The following GIPC2 variants were observed in gnomAD, a reference collection of about 807,000 sequenced individuals.
The protein encoded by GIPC2 is PDZ domain-containing protein GIPC2.
Under a neutral mutation model 30.6 loss-of-function variants are expected in GIPC2, and 30 were observed. The ratio of observed to expected loss-of-function variants is 0.98; its 90% CI spans 0.73 to 1.33. The LOEUF is 1.33. Ranked by LOEUF, GIPC2 falls within the 40% of genes most tolerant of loss-of-function variation. The pLI, the probability that GIPC2 is intolerant of heterozygous loss-of-function variation, is 0.00. For synonymous variants in GIPC2, 167 were observed against 150.0 expected, an observed-to-expected ratio of 1.11 and a Z score of -0.83; for missense variants, 414 against 390.3, an observed-to-expected ratio of 1.06 and a Z score of -0.51.
chr1:78,111,279 C>T (rs900390269), intron 3 of GIPC2, among the ~76,000 whole-genome samples: 15 of 152,074 alleles, frequency 9.9e-5, no homozygotes, highest in Admixed American at 9.8e-4. Flanking sequence ...GGACAGAGAC[C>T]ACAGAGTCCA....
chr1:78,105,288 ATT>A (rs1288336378), intron 3 of GIPC2, among the ~76,000 whole-genome samples: 37 of 140,424 alleles, frequency 2.6e-4, no homozygotes, highest in African/African-American at 6.3e-4. Context: ...TGTAACTGTA[ATT>A]TTTTTTTTTT....
At chr1:78,121,627 A>G (rs1662685080) in intron 4 of GIPC2, among the ~76,000 whole-genome samples, 1 of 152,152 alleles carries the variant, frequency 6.6e-6, no homozygotes, top group Non-Finnish European at 1.5e-5. Flanking sequence ...TTCTGGGAGA[A>G]TGAAAGGACC....
chr1:78,077,005 G>A (rs1005209949), intron 1 of GIPC2, among the ~76,000 whole-genome samples: 1 of 151,734 alleles, frequency 6.6e-6, no homozygotes, highest in Non-Finnish European at 1.5e-5. Flanking sequence ...CCTGACCTTA[G>A]GTGATCTGCC....
chr1:78,052,364 C>T (rs2102634733), intron 1 of GIPC2, among the ~76,000 whole-genome samples: 1 of 152,304 alleles, frequency 6.6e-6, no homozygotes, highest in East Asian at 1.9e-4. Flanking sequence ...TCTTTGTTTA[C>T]TGATGTGGCC....
At chr1:78,123,788 A>T (rs1219953135) in intron 4 of GIPC2, among the ~76,000 whole-genome samples, 3 of 152,238 alleles carry the variant, frequency 2.0e-5, no homozygotes, top group African/African-American at 7.2e-5. Context: ...GACACTTGTC[A>T]CCGTAACTTA....
At chr1:78,129,332 T>C (rs1306259134) in intron 5 of GIPC2, among the ~76,000 whole-genome samples, 1 of 152,244 alleles carries the variant, frequency 6.6e-6, no homozygotes, top group African/African-American at 2.4e-5. Context: ...ACAAGTGTGA[T>C]ACTGATTTAA....
chr1:78,104,831 A>G (rs1662313798), intron 3 of GIPC2, among the ~76,000 whole-genome samples: 2 of 152,196 alleles, frequency 1.3e-5, no homozygotes, highest in Admixed American at 1.3e-4. Flanking sequence ...ATTTTATCTG[A>G]CAGTGATACT....
chr1:78,104,301 C>T (rs988990710), intron 3 of GIPC2, among the ~76,000 whole-genome samples: 10 of 152,120 alleles, frequency 6.6e-5, no homozygotes, highest in African/African-American at 1.7e-4. Context: ...CTGCAAAAGC[C>T]GCTCAGGACC....
chr1:78,053,304 A>C (rs1476015892), intron 1 of GIPC2, among the ~76,000 whole-genome samples: 2 of 152,174 alleles, frequency 1.3e-5, no homozygotes, highest in Non-Finnish European at 2.9e-5. Context: ...AGATAGGTTT[A>C]CTAAGATTCC....
chr1:78,076,871 C>T (rs1205523866), intron 1 of GIPC2, among the ~76,000 whole-genome samples: 15 of 152,140 alleles, frequency 9.9e-5, no homozygotes, highest in Middle Eastern at 3.4e-3. Flanking sequence ...TGGGTTCAAG[C>T]GATTCTCCTG....
chr1:78,045,583 T>C, upstream of GIPC2: 1 of 985,480 alleles, frequency 1.0e-6, no homozygotes, highest in Non-Finnish European at 1.2e-6. Context: ...TGTGACTTTC[T>C]CTTCCAATTC....
intron 2 of GIPC2, among the ~76,000 whole-genome samples, chr1:78,092,379 A>G (rs1021131185): frequency 6.6e-6 from 1 of 152,202 alleles, no homozygotes; most frequent in Non-Finnish European, 1.5e-5. Context: ...TCCAATAAAT[A>G]AATAAATCTT....
chr1:78,129,776 A>G (rs946848722), intron 5 of GIPC2, among the ~76,000 whole-genome samples: 6 of 152,192 alleles, frequency 3.9e-5, no homozygotes, highest in African/African-American at 9.6e-5. Flanking sequence ...GTGTCATACA[A>G]GTTTCTTCTT....
At chr1:78,126,744 T>C (rs186602516) in intron 5 of GIPC2, among the ~76,000 whole-genome samples, 1 of 152,270 alleles carries the variant, frequency 6.6e-6, no homozygotes, top group Non-Finnish European at 1.5e-5. Flanking sequence ...GGGGCCAAAA[T>C]GACTGCTATT....
chr1:78,063,613 A>G (rs780178228), intron 1 of GIPC2, among the ~76,000 whole-genome samples: 1 of 151,950 alleles, frequency 6.6e-6, no homozygotes, highest in Non-Finnish European at 1.5e-5. Flanking sequence ...GGTTGGGTGC[A>G]GTGGCTCATG....
intron 1 of GIPC2, among the ~76,000 whole-genome samples, chr1:78,046,779 C>CG (rs201255456): frequency 8.6e-5 from 13 of 151,428 alleles, no homozygotes; most frequent in East Asian, 2.0e-4. Context: ...CCTAGATTAA[C>CG]GGGGGAAAAA....
chr1:78,079,278 A>T (rs1465802146), intron 1 of GIPC2, among the ~76,000 whole-genome samples: 1 of 152,086 alleles, frequency 6.6e-6, no homozygotes, highest in Non-Finnish European at 1.5e-5. Context: ...CCTCATCACT[A>T]GCTCCTTTAA....
intron 1 of GIPC2, among the ~76,000 whole-genome samples, chr1:78,057,975 A>G (rs1397990821): frequency 1.3e-5 from 2 of 152,216 alleles, no homozygotes; most frequent in African/African-American, 4.8e-5. Context: ...TTAAGGACCT[A>G]GAAAAAAGGA....
chr1:78,115,394 G>A (rs144470965), intron 3 of GIPC2, among the ~76,000 whole-genome samples: 171 of 152,224 alleles, frequency 1.1e-3, no homozygotes, highest in African/African-American at 4.0e-3. Flanking sequence ...TACCAAGTAG[G>A]TTGCTTGGTG....
Sources: gnomAD v4.1 joint callset for allele counts (sites outside exome capture counted in the v4.1 genomes callset) on GRCh38, gnomAD v4.1.1 for gene constraint, MANE v1.5 for transcripts, NCBI Gene and HGNC (gene_info 2026-07-23, HGNC 2026-07-21) for gene names.